The following RFTN1 variants were observed in gnomAD, a reference collection of about 807,000 sequenced individuals.
RFTN1 encodes the protein raftlin, lipid raft linker 1.
A neutral mutation model predicts 46.5 loss-of-function variants in RFTN1; 26 were observed. That is an observed-to-expected ratio of 0.56 (90% CI 0.41 to 0.78). RFTN1 has a LOEUF of 0.78. RFTN1 is among the 30% of genes least tolerant of loss of function. The pLI is 0.00. For missense variants in RFTN1, 693 were observed against 718.7 expected (o/e 0.96, Z 0.41); for synonymous variants, 261 against 284.2 (o/e 0.92, Z 0.82).
rs1485873912 is a variant in RFTN1, at chr3:16,348,161, C to G, written c.1146+9771G>C. 6.6e-6 allele frequency: 1 copy of G among 152,066 alleles called. No individual in the cohort carries two copies. Among genetic ancestry groups the G allele is most frequent in the East Asian group, 1.9e-4 (1 of 5,194 alleles). 9.4% of individuals were successfully genotyped at this position (152,066 alleles called of 1,614,324 possible). ...CTCTTGTTGCTTAAAGCAGGGCAGG[C>G]TCCTGGAGCTCAGGAGCAGGGCTTT... On this transcript the variant is annotated intron_variant, in intron 7 of 9. Transcript: ENST00000334133. This position sits in a 1 kb window ranked among gnomAD's most constrained non-coding sequence, Gnocchi z 6.3.
At chr3:16,497,813 A>T (rs114859430) in intron 1 of RFTN1, among the ~76,000 whole-genome samples, 239 of 152,350 alleles carry the variant, frequency 1.6e-3, no homozygotes, top group African/African-American at 5.4e-3. Context: ...CCTGGTAGCC[A>T]CTACCACTTT....
At chr3:16,378,466 GTTT>G (rs777357784) in intron 4 of RFTN1, among the ~76,000 whole-genome samples, 3 of 151,780 alleles carry the variant, frequency 2.0e-5, no homozygotes, top group Non-Finnish European at 4.4e-5. Context: ...TAAGAGTTTA[GTTT>G]TTTTTGTCAC....
At position 16,428,518 on chromosome 3, in the gene RFTN1, C is replaced by T. The variant is rs1435101285; in HGVS notation, c.332+5333G>A. ...AAGAATTTTAGAATTGCAGCCTCTG[C>T]ATTAACTACAGGTCCTCTGTGTGCC... On this transcript the variant is annotated intron_variant, in intron 3 of 9. Coordinates refer to ENST00000334133, the MANE Select transcript of RFTN1 (RefSeq NM_015150.2). This position sits in a 1 kb window ranked among gnomAD's most constrained non-coding sequence, Gnocchi z 4.7. Among the ~76,000 whole-genome samples the T allele has an allele frequency of 6.6e-6, 1 of 152,232 alleles. No homozygotes were observed. The highest frequency in any genetic ancestry group is 1.9e-4 in the East Asian group (1 of 5,200).
At chr3:16,405,049 A>T (rs1179432757) in intron 4 of RFTN1, among the ~76,000 whole-genome samples, 1 of 152,154 alleles carries the variant, frequency 6.6e-6, no homozygotes, top group Admixed American at 6.5e-5. Flanking sequence ...GACCTTTCCC[A>T]TAGACGCTCT....
At chr3:16,330,133 CA>C (rs2070163364) in intron 7 of RFTN1, among the ~76,000 whole-genome samples, 1 of 152,172 alleles carries the variant, frequency 6.6e-6, no homozygotes, top group Non-Finnish European at 1.5e-5. Context: ...AGGGAAAACA[CA>C]ACAAAACAAC....
chr3:16,465,642 T>C lies in RFTN1; in HGVS notation c.145+28083A>G, dbSNP rs1025598598. ...TGGTGCAATTTAGCCCCCATGTCAA[T>C]TACGGATGCTAAAAATTTCAGAATT... On this transcript the variant is annotated intron_variant, in intron 2 of 9. Coordinates refer to ENST00000334133, the MANE Select transcript of RFTN1 (RefSeq NM_015150.2). This position sits in a 1 kb window ranked among gnomAD's most constrained non-coding sequence, Gnocchi z 5.1. Among the ~76,000 whole-genome samples, 1 of 152,178 alleles carries C rather than the reference T, an allele frequency of 6.6e-6. No individual in the cohort carries two copies. The highest frequency in any genetic ancestry group is 1.5e-5 in the Non-Finnish European group (1 of 68,024).
In RFTN1 at chr3:16,323,367, G is replaced by A. The variant is rs373734154; in HGVS notation, c.1332+9C>T. ...AGGAAAACCTAGGAAGGCCATCAAA[G>A]TCTCTTACCTTCGATTCCTTCTTCT... On this transcript the variant is annotated intron_variant, in intron 9 of 9. Transcript: ENST00000334133. 2.5e-6 allele frequency: 4 copies of A among 1,595,832 alleles called. No individual in the cohort carries two copies. The African/African-American group carries it at 4.0e-5, about 16-fold the overall frequency.
rs528593373 is a variant in RFTN1, at chr3:16,341,931, G to A, written c.1147-15055C>T. ...AAGGATTATCCTAAGATGCTATGCA[G>A]CTACCTTCTAGTGATGCTGAAAGTT... is the stretch of plus-strand genomic sequence containing the variant. On this transcript the variant is annotated intron_variant, in intron 7 of 9. Transcript: ENST00000334133. The surrounding 1 kb of genome is among the most constrained non-coding windows in gnomAD (Gnocchi z 4.7). Among the ~76,000 whole-genome samples the A allele has an allele frequency of 4.6e-5, 7 of 152,272 alleles. No individual in the cohort carries two copies. Among genetic ancestry groups the A allele is most frequent in the Non-Finnish European group, 7.4e-5 (5 of 68,008 alleles).
intron 2 of RFTN1, among the ~76,000 whole-genome samples, chr3:16,456,614 C>T (rs936635019): frequency 6.6e-6 from 1 of 151,738 alleles, no homozygotes; most frequent in Non-Finnish European, 1.5e-5. Flanking sequence ...TTCTTGAGGA[C>T]CCCCCTAAGA....
chr3:16,441,299 TAAAAAAAAAAA>T (rs59877269), intron 2 of RFTN1, among the ~76,000 whole-genome samples: 1 of 47,554 alleles, frequency 2.1e-5, no homozygotes, highest in Non-Finnish European at 4.9e-5. Context: ...TTCCAAGAAC[TAAAAAAAAAAA>T]AAAAAAAAAA....
intron 7 of RFTN1, 42 bp from the exon 8 acceptor site, chr3:16,326,918 G>A (rs2069760084): frequency 1.3e-6 from 2 of 1,503,210 alleles, no homozygotes; most frequent in African/African-American, 1.4e-5. Flanking sequence ...GCTGCCACAA[G>A]CCAACTCCCA....
chr3:16,433,778 C>T lies in RFTN1; in HGVS notation c.332+73G>A, dbSNP rs533928374. ...AAATTTCAACCCCCAACCCCATCCT[C>T]TCACTTCCCCTCCTCTATTGAGCAT... On this transcript the variant is annotated intron_variant, in intron 3 of 9. Transcript: ENST00000334133. This position sits in a 1 kb window ranked among gnomAD's most constrained non-coding sequence, Gnocchi z 4.4. 20 of 1,514,448 alleles carry T rather than the reference C, an allele frequency of 1.3e-5. No individual in the cohort carries two copies. The Admixed American group carries it at 1.5e-4, about 11-fold the overall frequency. The allele number at this position is 1,514,448 out of a possible 1,614,324, so 93.8% of individuals were successfully genotyped here.
intron 2 of RFTN1, chr3:16,472,678 A>G (rs1172841721): frequency 2.0e-5 from 3 of 152,236 alleles, no homozygotes; most frequent in Admixed American, 2.0e-4. Context: ...AACGATTCTC[A>G]GTTATGTTTC....
chr3:16,391,365 C>T (rs2074337754), intron 4 of RFTN1, among the ~76,000 whole-genome samples: 1 of 152,146 alleles, frequency 6.6e-6, no homozygotes, highest in Non-Finnish European at 1.5e-5. Context: ...GTATAGAATA[C>T]AGTACCACCC....
At position 16,468,736 on chromosome 3, in the gene RFTN1, G is replaced by A. The variant is rs896181381; in HGVS notation, c.145+24989C>T. On this transcript the variant is annotated intron_variant, in intron 2 of 9. Transcript: ENST00000334133. The surrounding 1 kb of genome is among the most constrained non-coding windows in gnomAD (Gnocchi z 4.4). ...TTGCAACTAGCTGTAGCCAATTCAA[G>A]CTGAGCCAATTATCACCAATCATAA... Among the ~76,000 whole-genome samples, 12 of 151,706 alleles carry A rather than the reference G, an allele frequency of 7.9e-5. No individual in the cohort carries two copies. Among genetic ancestry groups the A allele is most frequent in the African/African-American group, 2.2e-4 (9 of 41,278 alleles).
At position 16,357,790 on chromosome 3, in the gene RFTN1, G is replaced by A. The variant is rs932603454; in HGVS notation, c.1146+142C>T. On this transcript the variant is annotated intron_variant, in intron 7 of 9. Coordinates refer to ENST00000334133, the MANE Select transcript of RFTN1 (RefSeq NM_015150.2). Reference sequence around the variant, plus strand: ...AAAAGAGGGGAATGAAAAGACTAAGGGGATCCTTCTAGGACCTACCAGGTC... The same window carrying A: ...AAAAGAGGGGAATGAAAAGACTAAGAGGATCCTTCTAGGACCTACCAGGTC... The A allele has an allele frequency of 5.4e-6, 3 of 551,140 alleles. No homozygotes were observed. In the East Asian group the frequency reaches 8.9e-5, roughly 16 times the overall value. 34.1% of individuals were successfully genotyped at this position (551,140 alleles called of 1,614,324 possible).
chr3:16,358,770 C>T (rs1316645687), intron 6 of RFTN1, among the ~76,000 whole-genome samples: 1 of 152,088 alleles, frequency 6.6e-6, no homozygotes, highest in Non-Finnish European at 1.5e-5. Flanking sequence ...CAGTGGCTCA[C>T]ACCTGTAATC....
In RFTN1 at chr3:16,348,122, C is replaced by T. The variant is rs1370253602; in HGVS notation, c.1146+9810G>A. 6.6e-6 allele frequency: 1 copy of T among 150,886 alleles called. No individual in the cohort carries two copies. Among genetic ancestry groups the T allele is most frequent in the Non-Finnish European group, 1.5e-5 (1 of 68,024 alleles). 9.3% of individuals were successfully genotyped at this position (150,886 alleles called of 1,614,324 possible). ...CCTCTGTCATCGACGAGGACCACCT[C>T]GGAGCACTTGTGGCTCTTGTTGCTT... On this transcript the variant is annotated intron_variant, in intron 7 of 9. Transcript: ENST00000334133. The surrounding 1 kb of genome is among the most constrained non-coding windows in gnomAD (Gnocchi z 6.3).
At chr3:16,393,955 G>A (rs554744768) in intron 4 of RFTN1, among the ~76,000 whole-genome samples, 76 of 152,006 alleles carry the variant, frequency 5.0e-4, no homozygotes, top group East Asian at 2.7e-3. Context: ...CACCGCACCC[G>A]GCCAGACTTT....
Sources: gnomAD v4.1 joint callset for allele counts (sites outside exome capture counted in the v4.1 genomes callset) on GRCh38, gnomAD v4.1.1 for gene constraint, Gnocchi (gnomAD v3.1) non-coding constraint, MANE v1.5 for transcripts, NCBI Gene and HGNC (gene_info 2026-07-23, HGNC 2026-07-21) for gene names.